MDGA2: variants seen among roughly 807,000 people sequenced by gnomAD.
MDGA2 encodes the protein MAM domain-containing glycosylphosphatidylinositol anchor protein 2.
MDGA2 carries 40 observed loss-of-function variants against 117.8 expected under a neutral mutation model. The ratio of observed to expected loss-of-function variants is 0.34; its 90% CI spans 0.26 to 0.44. The LOEUF is 0.44. Ranked by LOEUF, MDGA2 falls within the 20% of genes least tolerant of loss-of-function variation. The probability of loss-of-function intolerance (pLI) is 1.00; values close to 1 mark genes in which losing one functional copy is unlikely to be tolerated. For missense variants in MDGA2, 1,123 were observed against 1,250.6 expected (o/e 0.90, Z 1.54); for synonymous variants, 452 against 439.0 (o/e 1.03, Z -0.37).
chr14:47,302,688 T>G (rs1006122257), intron 1 of MDGA2, among the ~76,000 whole-genome samples: 1 of 152,246 alleles, frequency 6.6e-6, no homozygotes, highest in East Asian at 1.9e-4. Context: ...AAAAAGATTA[T>G]AAGGCCAACT....
intron 1 of MDGA2, among the ~76,000 whole-genome samples, chr14:47,371,954 AAT>A (rs1485780090): frequency 2.0e-5 from 3 of 151,756 alleles, no homozygotes; most frequent in East Asian, 1.9e-4. Flanking sequence ...ATTATTTTGA[AAT>A]ATGTTTACAA....
At chr14:47,220,223 C>A (rs947552899) in intron 2 of MDGA2, among the ~76,000 whole-genome samples, 3 of 152,118 alleles carry the variant, frequency 2.0e-5, no homozygotes, top group African/African-American at 7.2e-5. Context: ...ACATGCCTAA[C>A]TGATGAGAAA....
At chr14:46,989,753 C>A (rs547692749) in intron 8 of MDGA2, among the ~76,000 whole-genome samples, 145 of 151,932 alleles carry the variant, frequency 9.5e-4, no homozygotes, top group Non-Finnish European at 1.8e-3. Flanking sequence ...CTAGGCAGGA[C>A]CAAACCAGAT....
At chr14:46,847,954 T>C (rs1256232077) in intron 15 of MDGA2, among the ~76,000 whole-genome samples, 1 of 152,050 alleles carries the variant, frequency 6.6e-6, no homozygotes, top group East Asian at 1.9e-4. Context: ...TATGTGTCCC[T>C]TACCTGATAG....
chr14:47,189,475 T>C (rs554054734), intron 3 of MDGA2, among the ~76,000 whole-genome samples: 4 of 152,136 alleles, frequency 2.6e-5, no homozygotes, highest in Non-Finnish European at 5.9e-5. Flanking sequence ...AAATATTATT[T>C]ATGGCAACCA....
chr14:47,610,383 T>G (rs1226973824), intron 1 of MDGA2, among the ~76,000 whole-genome samples: 1 of 152,104 alleles, frequency 6.6e-6, no homozygotes, highest in Non-Finnish European at 1.5e-5. Context: ...TGTCACAGTT[T>G]GCTGATGATA....
At chr14:47,600,976 A>G (rs1267952570) in intron 1 of MDGA2, among the ~76,000 whole-genome samples, 1 of 152,250 alleles carries the variant, frequency 6.6e-6, no homozygotes, top group Non-Finnish European at 1.5e-5. Context: ...GTGGTACAAA[A>G]TATCTACTGT....
At chr14:47,625,657 C>T (rs964007360) in intron 1 of MDGA2, among the ~76,000 whole-genome samples, 3 of 152,022 alleles carry the variant, frequency 2.0e-5, no homozygotes, top group Non-Finnish European at 4.4e-5. Flanking sequence ...CAAAATAAGC[C>T]GCCTTTATTT....
At chr14:47,253,600 C>A (rs1249641977) in intron 2 of MDGA2, among the ~76,000 whole-genome samples, 2 of 152,232 alleles carry the variant, frequency 1.3e-5, no homozygotes, top group Non-Finnish European at 2.9e-5. Context: ...TTGCAGGGAA[C>A]AGATCCCTCC....
rs1297155195 is a variant in MDGA2, at chr14:47,043,561, A to C, written c.1526-8257T>G. Among the ~76,000 whole-genome samples, 5 of 152,114 alleles carry C rather than the reference A, an allele frequency of 3.3e-5. No individual in the cohort carries two copies. The South Asian group carries it at 6.2e-4, about 19-fold the overall frequency. The stretch of plus-strand genomic sequence containing the variant: ...GACTAATGTCTCTTCTTCATCTAAA[A>C]AATATTATTTACCATTTCTCAATTA... On this transcript the variant is annotated intron_variant, in intron 7 of 16. Transcript: ENST00000399232.
At chr14:47,512,265 A>G (rs1043029083) in intron 1 of MDGA2, among the ~76,000 whole-genome samples, 3 of 152,198 alleles carry the variant, frequency 2.0e-5, no homozygotes, top group African/African-American at 4.8e-5. Flanking sequence ...TTTAAATTAA[A>G]TAAGTGTCAG....
intron 1 of MDGA2, among the ~76,000 whole-genome samples, chr14:47,316,053 G>C (rs1213317742): frequency 2.6e-5 from 4 of 152,068 alleles, no homozygotes; most frequent in African/African-American, 9.7e-5. Context: ...TGGATTTGCT[G>C]AGTTGGAAAT....
chr14:46,955,804 T>C lies in MDGA2; in HGVS notation c.2089+1570A>G, dbSNP rs1355169340. On this transcript the variant is annotated intron_variant, in intron 9 of 16. Transcript: ENST00000399232. The stretch of plus-strand genomic sequence containing the variant: ...CATGGTAAGTGGAAGAGTAAAATAA[T>C]TGAAAAAATAAAATTTAAAATGTTT... 7.3e-5 allele frequency among the ~76,000 whole-genome samples: 11 copies of C among 151,268 alleles called. No homozygotes were observed. The Admixed American group carries it at 7.3e-4, about 10-fold the overall frequency.
intron 1 of MDGA2, among the ~76,000 whole-genome samples, chr14:47,635,427 C>A (rs540719835): frequency 4.3e-4 from 66 of 152,190 alleles, no homozygotes; most frequent in Non-Finnish European, 7.9e-4. Flanking sequence ...GACGTAGTAT[C>A]TAACACAGAG....
intron 1 of MDGA2, among the ~76,000 whole-genome samples, chr14:47,374,888 G>A (rs149654761): frequency 9.1e-4 from 139 of 152,040 alleles, no homozygotes; most frequent in African/African-American, 3.1e-3. Flanking sequence ...ATCCAAGTGT[G>A]AGCTTTGACT....
chr14:46,974,401 G>C (rs1183937905), intron 8 of MDGA2, among the ~76,000 whole-genome samples: 1 of 151,960 alleles, frequency 6.6e-6, no homozygotes, highest in Non-Finnish European at 1.5e-5. Context: ...TGAATCTCAA[G>C]AGACCCTGAA....
intron 7 of MDGA2, among the ~76,000 whole-genome samples, chr14:47,050,874 C>A (rs1889434293): frequency 6.6e-6 from 1 of 151,944 alleles, no homozygotes; most frequent in Admixed American, 6.6e-5. Flanking sequence ...GGCAAGGAGA[C>A]TCTAACATCC....
intron 2 of MDGA2, among the ~76,000 whole-genome samples, chr14:47,258,394 A>T (rs1037447779): frequency 6.6e-6 from 1 of 152,070 alleles, no homozygotes; most frequent in Non-Finnish European, 1.5e-5. Flanking sequence ...AGCAAGAGGA[A>T]GAGAGTGAAG....
chr14:46,844,257 G>C (rs185239164), intron 16 of MDGA2, among the ~76,000 whole-genome samples: 1 of 152,174 alleles, frequency 6.6e-6, no homozygotes, highest in East Asian at 1.9e-4. Flanking sequence ...TATGTATTTA[G>C]GCTCTTTACA....
Sources: allele counts gnomAD v4.1 joint callset (sites outside exome capture counted in the v4.1 genomes callset), GRCh38; gene constraint gnomAD v4.1.1; transcripts MANE v1.5; gene names NCBI Gene and HGNC (gene_info 2026-07-23, HGNC 2026-07-21).